MAP2K6: variants seen among roughly 807,000 people sequenced by gnomAD.
MAP2K6 encodes mitogen-activated protein kinase kinase 6.
MAP2K6 carries 16 observed loss-of-function variants against 53.7 expected under a neutral mutation model. The observed-to-expected ratio is 0.30, with a 90% CI of 0.20 to 0.45. The LOEUF is 0.45. Ranked by LOEUF, MAP2K6 falls within the 20% of genes least tolerant of loss-of-function variation. The pLI is 1.00. For missense variants in MAP2K6, 204 were observed against 411.9 expected, an observed-to-expected ratio of 0.50 and a Z score of 4.37; for synonymous variants, 132 against 143.1, an observed-to-expected ratio of 0.92 and a Z score of 0.55.
At chr17:69,516,296 T>C (rs1420682561) in intron 2 of MAP2K6, among the ~76,000 whole-genome samples, 1 of 151,932 alleles carries the variant, frequency 6.6e-6, no homozygotes, top group Non-Finnish European at 1.5e-5. Flanking sequence ...GCACAACATA[T>C]ATCCCTTGTA....
At chr17:69,417,440 G>A (rs1212641796) in intron 1 of MAP2K6, among the ~76,000 whole-genome samples, 1 of 152,178 alleles carries the variant, frequency 6.6e-6, no homozygotes, top group Admixed American at 6.5e-5. Context: ...AGGAATTACA[G>A]ACTCTCTGGA....
At position 69,466,111 on chromosome 17, in the gene MAP2K6, TAAA is replaced by T. The variant is rs143017970; in HGVS notation, c.17-39654_17-39652del. ...AACATGATGAGACCCCATCAGTACT[TAAA>T]AAAAAAAAAAAAAATGCAAAAATTA... On this transcript the variant is annotated intron_variant, in intron 1 of 11. Transcript: ENST00000590474. 2.9e-3 allele frequency among the ~76,000 whole-genome samples: 389 copies of T among 135,976 alleles called. 3 individuals are homozygous for T. The highest frequency in any genetic ancestry group is 6.3e-3 in the East Asian group (28 of 4,480). 89.2% of individuals were successfully genotyped at this position (135,976 alleles called of 152,430 possible).
chr17:69,498,806 T>C (rs951714476), intron 1 of MAP2K6, among the ~76,000 whole-genome samples: 1 of 152,124 alleles, frequency 6.6e-6, no homozygotes, highest in Non-Finnish European at 1.5e-5. Flanking sequence ...GCACTAGTTC[T>C]AGGAGGTCAC....
chr17:69,455,645 A>C (rs951357368), intron 1 of MAP2K6, among the ~76,000 whole-genome samples: 24 of 152,106 alleles, frequency 1.6e-4, no homozygotes, highest in African/African-American at 5.6e-4. Context: ...CTTTTTCTAC[A>C]AACAGTGAGA....
chr17:69,536,981 C>T (rs1259676778), intron 11 of MAP2K6, among the ~76,000 whole-genome samples: 1 of 152,108 alleles, frequency 6.6e-6, no homozygotes, highest in Non-Finnish European at 1.5e-5. Context: ...ACTCAGGAAG[C>T]CGAGGTGGCA....
chr17:69,442,128 A>G (rs185392604), intron 1 of MAP2K6, among the ~76,000 whole-genome samples: 1 of 152,246 alleles, frequency 6.6e-6, no homozygotes, highest in East Asian at 1.9e-4. Context: ...ACTTATTGAA[A>G]ATCCATTTAG....
At chr17:69,450,101 ATTTTT>A (rs55956707) in intron 1 of MAP2K6, among the ~76,000 whole-genome samples, 60 of 124,896 alleles carry the variant, frequency 4.8e-4, no homozygotes, top group African/African-American at 1.6e-3. Flanking sequence ...CACCTGGCTA[ATTTTT>A]TTTTTTTTTT....
At chr17:69,515,026 C>G (rs1910067710) in intron 2 of MAP2K6, among the ~76,000 whole-genome samples, 1 of 152,102 alleles carries the variant, frequency 6.6e-6, no homozygotes, top group Non-Finnish European at 1.5e-5. Context: ...GAATGTGCTT[C>G]CAGAGAGACA....
intron 1 of MAP2K6, among the ~76,000 whole-genome samples, chr17:69,437,622 A>C (rs920951104): frequency 6.6e-6 from 1 of 152,224 alleles, no homozygotes; most frequent in Non-Finnish European, 1.5e-5. Context: ...TAGAGTATAC[A>C]ATTCAGTGGC....
chr17:69,433,291 T>C (rs1906528166), intron 1 of MAP2K6: 1 of 152,242 alleles, frequency 6.6e-6, no homozygotes, highest in African/African-American at 2.4e-5. Context: ...GTAAGCCAAG[T>C]GTGGAACACA....
intron 2 of MAP2K6, among the ~76,000 whole-genome samples, chr17:69,512,979 C>T (rs1909942338): frequency 6.6e-6 from 1 of 152,112 alleles, no homozygotes; most frequent in South Asian, 2.1e-4. Flanking sequence ...TTTGGAAGAC[C>T]TTTGGTCTTC....
chr17:69,520,433 GTCCCTA>G (rs760374967), intron 6 of MAP2K6, 47 bp downstream of exon 6: 8 of 1,117,694 alleles, frequency 7.2e-6, no homozygotes, highest in Non-Finnish European at 1.1e-5. Context: ...GAGAAATAAA[GTCCCTA>G]TGTGTCTTTG....
chr17:69,483,771 G>C (rs563698999), intron 1 of MAP2K6, among the ~76,000 whole-genome samples: 1 of 152,036 alleles, frequency 6.6e-6, no homozygotes, highest in Non-Finnish European at 1.5e-5. Flanking sequence ...GAATAGAATC[G>C]AAAGTCCATA....
At chr17:69,428,171 A>G (rs1043365864) in intron 1 of MAP2K6, among the ~76,000 whole-genome samples, 3 of 152,234 alleles carry the variant, frequency 2.0e-5, no homozygotes, top group Admixed American at 1.3e-4. Context: ...TGCTAGAGCT[A>G]CTGTAACAAA....
chr17:69,465,623 CTTTTTTT>C (rs142876473), intron 1 of MAP2K6, among the ~76,000 whole-genome samples: 1 of 144,240 alleles, frequency 6.9e-6, no homozygotes, highest in Admixed American at 6.9e-5. Flanking sequence ...TTGTTTTTTT[CTTTTTTT>C]TTTTTTGAAA....
At chr17:69,537,087 AAAAC>A (rs78904534) in intron 11 of MAP2K6, among the ~76,000 whole-genome samples, 5 of 151,692 alleles carry the variant, frequency 3.3e-5, no homozygotes, top group East Asian at 1.9e-4. Context: ...GTCTCAAAGA[AAAAC>A]AAACAAACAA....
intron 1 of MAP2K6, among the ~76,000 whole-genome samples, chr17:69,490,702 A>C (rs2145202320): frequency 6.6e-6 from 1 of 151,412 alleles, no homozygotes; most frequent in East Asian, 1.9e-4. Flanking sequence ...GTGGTTTAAA[A>C]CCCCTGAATT....
At chr17:69,445,891 C>T (rs1341987893) in intron 1 of MAP2K6, among the ~76,000 whole-genome samples, 1 of 152,136 alleles carries the variant, frequency 6.6e-6, no homozygotes, top group South Asian at 2.1e-4. Context: ...GTGCAGGTCT[C>T]TTTTTCTTAT....
chr17:69,478,788 G>T (rs990515813), intron 1 of MAP2K6, among the ~76,000 whole-genome samples: 4 of 152,150 alleles, frequency 2.6e-5, no homozygotes, highest in Admixed American at 2.6e-4. Context: ...AGTAAGTACT[G>T]AGTAAATATT....
Sources: gnomAD v4.1 joint callset for allele counts (sites outside exome capture counted in the v4.1 genomes callset) on GRCh38, gnomAD v4.1.1 for gene constraint, MANE v1.5 for transcripts, NCBI Gene and HGNC (gene_info 2026-07-23, HGNC 2026-07-21) for gene names.